FGGY: variants seen among roughly 807,000 people sequenced by gnomAD.
FGGY encodes FGGY carbohydrate kinase domain-containing protein.
FGGY carries 72 observed loss-of-function variants against 71.3 expected under a neutral mutation model. That is an observed-to-expected ratio of 1.01 (90% CI 0.84 to 1.23). FGGY has a LOEUF of 1.23. Among genes scored for constraint, FGGY ranks in the 50% most tolerant of loss-of-function variants. The pLI is 0.00. For missense variants in FGGY, 668 were observed against 682.3 expected (o/e 0.98, Z 0.23); for synonymous variants, 251 against 250.3 (o/e 1.00, Z -0.02).
At chr1:59,409,411 A>T (rs796290573) in intron 5 of FGGY, among the ~76,000 whole-genome samples, 17 of 152,242 alleles carry the variant, frequency 1.1e-4, no homozygotes, top group African/African-American at 4.1e-4. Flanking sequence ...TTCAGCCTTG[A>T]ATGTTCAGCC....
chr1:59,620,816 C>T (rs1417458456), intron 9 of FGGY, among the ~76,000 whole-genome samples: 2 of 151,976 alleles, frequency 1.3e-5, no homozygotes, highest in African/African-American at 2.4e-5. Flanking sequence ...CACTCCTATC[C>T]CAGCTCTTCA....
chr1:59,705,569 C>T (rs2097751931), intron 14 of FGGY, among the ~76,000 whole-genome samples: 1 of 152,162 alleles, frequency 6.6e-6, no homozygotes, highest in Admixed American at 6.6e-5. Flanking sequence ...CCATTGGGAT[C>T]AGCCACAGGC....
At chr1:59,707,357 C>T (rs2097763877) in intron 14 of FGGY, among the ~76,000 whole-genome samples, 1 of 152,160 alleles carries the variant, frequency 6.6e-6, no homozygotes, top group African/African-American at 2.4e-5. Context: ...TTAATACATG[C>T]CTTGCCTCTG....
rs71046339 is a variant in FGGY at position 59,721,337 on chromosome 1, G to GTTTTTTTTTTTTTTTTTTTTTTTTTTT, written c.1513-36575_1513-36574insTTTTTTTTTTTTTTTTTTTTTTTTTTT. ...AGAGAGTTTTTCTTTTCTTTCCTTT[G>GTTTTTTTTTTTTTTTTTTTTTTTTTTT]TTTTTTTTTTTTTTTTTTTGAGACG... is the stretch of plus-strand genomic sequence containing the variant. On this transcript the variant is annotated intron_variant, in intron 14 of 15. Transcript: ENST00000303721. Among the ~76,000 whole-genome samples, 14 of 105,364 alleles carry GTTTTTTTTTTTTTTTTTTTTTTTTTTT rather than the reference G, an allele frequency of 1.3e-4. 3 individuals are homozygous for GTTTTTTTTTTTTTTTTTTTTTTTTTTT. The East Asian group carries it at 1.9e-3, about 14-fold the overall frequency. 69.1% of individuals were successfully genotyped at this position (105,364 alleles called of 152,430 possible). A position where few individuals can be genotyped will look rare whatever the true frequency, so the allele number is the denominator to read the frequency against.
intron 8 of FGGY, among the ~76,000 whole-genome samples, chr1:59,602,544 C>G (rs924499219): frequency 6.6e-6 from 1 of 152,092 alleles, no homozygotes; most frequent in South Asian, 2.1e-4. Flanking sequence ...CAAAACTATA[C>G]CCATCCTTCA....
At position 59,674,132 on chromosome 1, in the gene FGGY, A is replaced by G. The variant is rs762295817; in HGVS notation, c.1511A>G (p.Gln504Arg). ...GCCTCAGGGGATTTCGCTTCTGTAC[A>G]GGTATGTGAAGACCAGGGGGTGGGC... The part of the protein sequence containing the change: ...ACASGDFASV[Q>R]EAMAKMSKVG... Residue 504 changes from glutamine to arginine, a missense_variant and splice_region_variant, in exon 14 of 16, where the codon CAG becomes CGG. By Grantham distance (43) the Gln-to-Arg change is conservative. Transcript: ENST00000303721. The G allele has an allele frequency of 5.6e-6, 9 of 1,613,146 alleles. No individual in the cohort carries two copies. The highest frequency in any genetic ancestry group is 6.8e-6 in the Non-Finnish European group (8 of 1,179,524).
At chr1:59,650,209 C>G in intron 11 of FGGY, among the ~76,000 whole-genome samples, 1 of 147,240 alleles carries the variant, frequency 6.8e-6, no homozygotes, top group East Asian at 1.9e-4. Flanking sequence ...GTCTAAAATT[C>G]TCTTTTTTTT....
chr1:59,344,911 A>G (rs1321717114), intron 3 of FGGY, among the ~76,000 whole-genome samples: 1 of 152,198 alleles, frequency 6.6e-6, no homozygotes, highest in African/African-American at 2.4e-5. Flanking sequence ...TGTGTTTTAA[A>G]GTATCTCAGC....
chr1:59,648,844 T>G (rs867178136), intron 11 of FGGY, among the ~76,000 whole-genome samples: 3 of 152,204 alleles, frequency 2.0e-5, no homozygotes, highest in Admixed American at 6.5e-5. Context: ...TCCTGAATGG[T>G]CATGCCTAGG....
intron 8 of FGGY, among the ~76,000 whole-genome samples, chr1:59,570,769 C>T (rs1427286016): frequency 6.6e-6 from 1 of 152,150 alleles, no homozygotes; most frequent in African/African-American, 2.4e-5. Context: ...GTGTTTAATC[C>T]AGCTCTCTAC....
At chr1:59,759,988 T>G (rs1212616223) in intron 15 of FGGY, among the ~76,000 whole-genome samples, 2 of 152,142 alleles carry the variant, frequency 1.3e-5, no homozygotes, top group South Asian at 2.1e-4. Flanking sequence ...AAAGACACTA[T>G]CAACAGAGTA....
At chr1:59,462,938 C>G (rs1471559781) in intron 6 of FGGY, among the ~76,000 whole-genome samples, 1 of 151,746 alleles carries the variant, frequency 6.6e-6, no homozygotes, top group Admixed American at 6.6e-5. Flanking sequence ...TACCATTTGA[C>G]CCAGCCATCC....
chr1:59,457,339 G>C (rs2091806113), intron 6 of FGGY, among the ~76,000 whole-genome samples: 1 of 152,130 alleles, frequency 6.6e-6, no homozygotes, highest in Non-Finnish European at 1.5e-5. Flanking sequence ...CGCTGGGCAT[G>C]GTGGCTCACA....
At chr1:59,446,329 C>T (rs1412686368) in intron 5 of FGGY, among the ~76,000 whole-genome samples, 3 of 152,138 alleles carry the variant, frequency 2.0e-5, no homozygotes, top group African/African-American at 4.8e-5. Flanking sequence ...TTCATGCTCC[C>T]CATATTGTCA....
intron 7 of FGGY, among the ~76,000 whole-genome samples, chr1:59,539,657 A>G (rs1172119267): frequency 6.6e-6 from 1 of 152,246 alleles, no homozygotes; most frequent in Admixed American, 6.5e-5. Context: ...TAAAGTTCCT[A>G]AAAGACAAGG....
intron 12 of FGGY, 66 bp downstream of exon 12, chr1:59,660,359 C>T (rs1476221892): frequency 1.0e-5 from 12 of 1,188,898 alleles, no homozygotes; most frequent in Non-Finnish European, 1.3e-5. Context: ...GCCACTGGCT[C>T]CCCAAGATAC....
intron 14 of FGGY, among the ~76,000 whole-genome samples, chr1:59,738,285 A>G (rs563236993): frequency 6.6e-6 from 1 of 152,256 alleles, no homozygotes; most frequent in Non-Finnish European, 1.5e-5. Flanking sequence ...ATCATAATAT[A>G]TGAATAAATG....
Position 59,346,459 on chromosome 1 carries a change from A to T in FGGY, c.465+61A>T, listed in dbSNP as rs935543282. On this transcript the variant is annotated intron_variant, in intron 4 of 15. Transcript: ENST00000303721. Reference sequence around the variant, plus strand: ...TAGTAGAGGATTCCTGTTACTGTGGACCTGTAGGTACCAGGCACCCTGCTA... The same window carrying T: ...TAGTAGAGGATTCCTGTTACTGTGGTCCTGTAGGTACCAGGCACCCTGCTA... 3.3e-5 allele frequency: 51 copies of T among 1,563,800 alleles called. No homozygotes were observed. In the Admixed American group the frequency reaches 4.1e-4, roughly 13 times the overall value.
intron 5 of FGGY, among the ~76,000 whole-genome samples, chr1:59,417,873 C>T (rs927801706): frequency 1.6e-4 from 24 of 152,164 alleles, no homozygotes; most frequent in African/African-American, 5.8e-4. Context: ...CTTAGTTCCT[C>T]AGTCATACTG....
Sources: gnomAD v4.1 joint callset for allele counts (sites outside exome capture counted in the v4.1 genomes callset) on GRCh38, gnomAD v4.1.1 for gene constraint, MANE v1.5 for transcripts, NCBI Gene and HGNC (gene_info 2026-07-23, HGNC 2026-07-21) for gene names.